The following USP12 variants were observed in gnomAD, a reference collection of about 807,000 sequenced individuals.
USP12 encodes the protein ubiquitin carboxyl-terminal hydrolase 12.
USP12 carries 19 observed loss-of-function variants against 45.5 expected under a neutral mutation model. The observed-to-expected ratio is 0.42, with a 90% confidence interval of 0.29 to 0.61. The LOEUF (loss-of-function observed/expected upper bound fraction) is 0.61. Among genes scored for constraint, USP12 ranks in the 20% least tolerant of loss-of-function variants. The probability of loss-of-function intolerance (pLI) is 0.22; values close to 1 mark genes in which losing one functional copy is unlikely to be tolerated. For missense variants in USP12, 242 were observed against 447.7 expected (o/e 0.54, Z 4.15); for synonymous variants, 149 against 148.8 (o/e 1.00, Z -0.01).
intron 1 of USP12, among the ~76,000 whole-genome samples, chr13:27,122,820 G>A (rs574186094): frequency 4.6e-5 from 7 of 152,132 alleles, no homozygotes; most frequent in Middle Eastern, 3.4e-3. Context: ...GTGGCCAGGC[G>A]CGGTGGCTCA....
chr13:27,070,225 C>A (rs1200432758), intron 8 of USP12, among the ~76,000 whole-genome samples: 2 of 152,062 alleles, frequency 1.3e-5, no homozygotes, highest in African/African-American at 4.8e-5. Flanking sequence ...CTATGTGAGT[C>A]CATTTATATT....
At chr13:27,076,947 C>G (rs1265657846) in intron 6 of USP12, among the ~76,000 whole-genome samples, 2 of 152,142 alleles carry the variant, frequency 1.3e-5, no homozygotes, top group African/African-American at 4.8e-5. Flanking sequence ...TGGCCTTTGT[C>G]TCAGTAATCC....
intron 1 of USP12, among the ~76,000 whole-genome samples, chr13:27,161,806 C>CG (rs1379490579): frequency 2.0e-5 from 3 of 151,214 alleles, no homozygotes; most frequent in Admixed American, 6.6e-5. Context: ...AGCTTGAGCC[C>CG]GGGGGGCAGA....
chr13:27,086,183 A>AT (rs1555233200), intron 6 of USP12, among the ~76,000 whole-genome samples: 122 of 39,304 alleles, frequency 3.1e-3, no homozygotes, highest in Admixed American at 8.8e-3. Flanking sequence ...TTAAAAAAAA[A>AT]AAAAAAAAAA....
chr13:27,118,892 CCATATGTACCA>C (rs1875862742), intron 1 of USP12, among the ~76,000 whole-genome samples: 1 of 152,184 alleles, frequency 6.6e-6, no homozygotes, highest in Non-Finnish European at 1.5e-5. Flanking sequence ...CCACCTGTCA[CCATATGTACCA>C]CATACTTTCA....
In USP12 at chr13:27,163,782, A is replaced by G. The variant is rs1010859131; in HGVS notation, c.48+7810T>C. 5.0e-5 allele frequency among the ~76,000 whole-genome samples: 7 copies of G among 138,660 alleles called. No individual in the cohort carries two copies. In the East Asian group the frequency reaches 8.7e-4, roughly 17 times the overall value. 91.0% of individuals were successfully genotyped at this position (138,660 alleles called of 152,430 possible). A position where few individuals can be genotyped will look rare whatever the true frequency, so the allele number is the denominator to read the frequency against. On this transcript the variant is annotated intron_variant, in intron 1 of 8. Coordinates refer to ENST00000282344, the MANE Select transcript of USP12 (RefSeq NM_182488.4). ...AAGACCTGTCTTAAAAAAAAAAAAA[A>G]AAAGAAAAAAAAAAAAGAAAAGAAG... is the stretch of plus-strand genomic sequence containing the variant.
chr13:27,077,529 A>G (rs997284206), intron 6 of USP12: 2 of 152,236 alleles, frequency 1.3e-5, no homozygotes, highest in African/African-American at 2.4e-5. Context: ...CACATGAAGA[A>G]TATGAATCCT....
chr13:27,131,093 T>C (rs1019571006), intron 1 of USP12, among the ~76,000 whole-genome samples: 2 of 152,206 alleles, frequency 1.3e-5, no homozygotes, highest in Non-Finnish European at 2.9e-5. Flanking sequence ...TTTTTTAAAA[T>C]AAGCACAGAT....
chr13:27,071,796 C>T (rs2137751182), intron 7 of USP12, among the ~76,000 whole-genome samples: 1 of 152,156 alleles, frequency 6.6e-6, no homozygotes, highest in African/African-American at 2.4e-5. Context: ...TGTAGATATA[C>T]ATAAAAATAA....
chr13:27,133,326 T>C (rs901397642), intron 1 of USP12, among the ~76,000 whole-genome samples: 5 of 152,218 alleles, frequency 3.3e-5, no homozygotes, highest in Admixed American at 6.5e-5. Context: ...CTTTATAACA[T>C]AGTTTAACAA....
chr13:27,145,320 T>C (rs938120725), intron 1 of USP12, among the ~76,000 whole-genome samples: 3 of 152,200 alleles, frequency 2.0e-5, no homozygotes, highest in Admixed American at 1.3e-4. Flanking sequence ...TGTTGAACTA[T>C]AGTAACAATA....
chr13:27,083,695 TG>T (rs994100062), intron 6 of USP12, among the ~76,000 whole-genome samples: 26 of 152,312 alleles, frequency 1.7e-4, no homozygotes, highest in African/African-American at 6.0e-4. Context: ...TGGAAAAAGC[TG>T]GATAAAGTTT....
chr13:27,122,599 C>G (rs1876045858), intron 1 of USP12, among the ~76,000 whole-genome samples: 2 of 151,894 alleles, frequency 1.3e-5, no homozygotes, highest in South Asian at 4.2e-4. Flanking sequence ...CTGCAGTGAG[C>G]CGGGAGTGTG....
At chr13:27,110,875 A>C (rs1875407255) in intron 2 of USP12, among the ~76,000 whole-genome samples, 1 of 152,224 alleles carries the variant, frequency 6.6e-6, no homozygotes, top group East Asian at 1.9e-4. Flanking sequence ...CAACAGGGGA[A>C]TTGAACAACT....
chr13:27,163,768 T>TAAAAAAAA (rs34384911), intron 1 of USP12, among the ~76,000 whole-genome samples: 6 of 83,284 alleles, frequency 7.2e-5, no homozygotes, highest in Non-Finnish European at 1.4e-4. Flanking sequence ...AGACCTGTCT[T>TAAAAAAAA]AAAAAAAAAA....
chr13:27,150,211 A>G (rs1489545485), intron 1 of USP12, among the ~76,000 whole-genome samples: 1 of 152,212 alleles, frequency 6.6e-6, no homozygotes, highest in Non-Finnish European at 1.5e-5. Context: ...CCCCACAAAT[A>G]CATACAATTA....
intron 1 of USP12, among the ~76,000 whole-genome samples, chr13:27,122,700 G>C (rs919940117): frequency 6.6e-6 from 1 of 151,424 alleles, no homozygotes; most frequent in African/African-American, 2.4e-5. Context: ...AATTTTAATG[G>C]GTGTGCTTAA....
intron 1 of USP12, among the ~76,000 whole-genome samples, chr13:27,165,115 T>C (rs983914245): frequency 2.6e-5 from 4 of 151,988 alleles, no homozygotes; most frequent in Non-Finnish European, 5.9e-5. Flanking sequence ...AAGTATTAGA[T>C]TGTTGCAAAA....
intron 1 of USP12, among the ~76,000 whole-genome samples, chr13:27,141,873 A>C (rs909113227): frequency 6.6e-6 from 1 of 152,140 alleles, no homozygotes; most frequent in Non-Finnish European, 1.5e-5. Context: ...ATCTCAACTG[A>C]TGAGTTGAAG....
Sources: gnomAD v4.1 joint callset for allele counts (sites outside exome capture counted in the v4.1 genomes callset) on GRCh38, gnomAD v4.1.1 for gene constraint, MANE v1.5 for transcripts, NCBI Gene and HGNC (gene_info 2026-07-23, HGNC 2026-07-21) for gene names.